Variants in PTPRQ observed in about 807,000 individuals in gnomAD.
The protein encoded by PTPRQ is protein tyrosine phosphatase receptor type Q.
Under a neutral mutation model 246.0 loss-of-function variants are expected in PTPRQ, and 199 were observed. That is an observed-to-expected ratio of 0.81 (90% confidence interval 0.72 to 0.91). PTPRQ has a LOEUF of 0.91. Ranked by LOEUF, PTPRQ falls within the 40% of genes least tolerant of loss-of-function variation. PTPRQ has a pLI of 0.00. For synonymous variants in PTPRQ, 869 were observed against 853.2 expected, an observed-to-expected ratio of 1.02 and a Z score of -0.32; for missense variants, 2,624 against 2,528.4, an observed-to-expected ratio of 1.04 and a Z score of -0.81.
chr12:80,500,918 G>T (rs1293787798), intron 14 of PTPRQ, among the ~76,000 whole-genome samples: 1 of 152,128 alleles, frequency 6.6e-6, no homozygotes, highest in African/African-American at 2.4e-5. Context: ...AAGGATAGAA[G>T]AGAGGAAGAG....
rs149127154 is a variant in PTPRQ at position 80,576,289 on chromosome 12, G to A, written c.4286-11840G>A. ...CCTGAGTAGCTGGGACTATAGGCAC[G>A]TGCCATCACACCCAGCTAATTTTTA... On this transcript the variant is annotated intron_variant, in intron 25 of 44. Coordinates refer to ENST00000644991, the MANE Select transcript of PTPRQ (RefSeq NM_001145026.2). Among the ~76,000 whole-genome samples, 17 of 151,946 alleles carry A rather than the reference G, an allele frequency of 1.1e-4. 2 individuals carry two copies. Among genetic ancestry groups the A allele is most frequent in the African/African-American group, 3.9e-4 (16 of 41,456 alleles).
At chr12:80,594,641 C>T (rs1022521653) in intron 26 of PTPRQ, among the ~76,000 whole-genome samples, 1 of 152,138 alleles carries the variant, frequency 6.6e-6, no homozygotes, top group African/African-American at 2.4e-5. Context: ...TCTCAGTTTA[C>T]TGCACCACTA....
chr12:80,467,233 G>A (rs1893456390), intron 6 of PTPRQ, among the ~76,000 whole-genome samples: 1 of 152,136 alleles, frequency 6.6e-6, no homozygotes, highest in Non-Finnish European at 1.5e-5. Flanking sequence ...AGACATTTAT[G>A]CAGCCAAAAA....
At chr12:80,491,357 G>A (rs1216396279) in intron 9 of PTPRQ, among the ~76,000 whole-genome samples, 1 of 151,884 alleles carries the variant, frequency 6.6e-6, no homozygotes, top group East Asian at 1.9e-4. Context: ...AGTATTGACT[G>A]CAACACCAGA....
At chr12:80,486,468 T>G (rs1444042405) in intron 9 of PTPRQ, among the ~76,000 whole-genome samples, 12 of 152,232 alleles carry the variant, frequency 7.9e-5, no homozygotes, top group African/African-American at 2.6e-4. Context: ...ACAGAAGCTT[T>G]AAATCCAAAT....
intron 27 of PTPRQ, among the ~76,000 whole-genome samples, chr12:80,606,977 TA>T (rs1565815084): frequency 6.6e-6 from 1 of 150,920 alleles, no homozygotes; most frequent in East Asian, 1.9e-4. Context: ...ACAAAAAAAA[TA>T]AAACATATTA....
chr12:80,652,941 T>A, intron 38 of PTPRQ, 107 bp downstream of exon 38: 1 of 1,197,236 alleles, frequency 8.4e-7, no homozygotes, highest in South Asian at 3.2e-5. Flanking sequence ...GTTTGAATTA[T>A]AATAATGTAT....
intron 25 of PTPRQ, among the ~76,000 whole-genome samples, chr12:80,580,883 G>A (rs531885349): frequency 6.6e-6 from 1 of 152,162 alleles, no homozygotes; most frequent in African/African-American, 2.4e-5. Flanking sequence ...CTATAGCCAG[G>A]TTACAAATAA....
intron 33 of PTPRQ, among the ~76,000 whole-genome samples, chr12:80,629,588 G>C (rs991543632): frequency 6.6e-6 from 1 of 152,028 alleles, no homozygotes; most frequent in Non-Finnish European, 1.5e-5. Context: ...GGAAATCAGA[G>C]GGGTAACAGG....
At chr12:80,454,905 A>G (rs939117883) in intron 3 of PTPRQ, among the ~76,000 whole-genome samples, 1 of 152,246 alleles carries the variant, frequency 6.6e-6, no homozygotes, top group Non-Finnish European at 1.5e-5. Context: ...GGCTGGGTGC[A>G]GTGCCTCATG....
intron 43 of PTPRQ, among the ~76,000 whole-genome samples, chr12:80,674,433 G>C (rs1901070728): frequency 6.6e-6 from 1 of 152,110 alleles, no homozygotes; most frequent in Non-Finnish European, 1.5e-5. Flanking sequence ...AAACTTCGAT[G>C]ACTGGAGAAC....
chr12:80,462,044 G>A, intron 6 of PTPRQ: 1 of 700,534 alleles, frequency 1.4e-6, no homozygotes, highest in South Asian at 1.5e-5. Flanking sequence ...CCGTGAGAGA[G>A]CCGAAGCAGG....
At chr12:80,608,914 A>C (rs1669999148) in intron 27 of PTPRQ, among the ~76,000 whole-genome samples, 1 of 150,718 alleles carries the variant, frequency 6.6e-6, no homozygotes, top group African/African-American at 2.4e-5. Flanking sequence ...GGAAAATTAC[A>C]AAAAGCATAT....
chr12:80,472,040 T>G, intron 7 of PTPRQ, 65 bp from the exon 8 acceptor site: 1 of 1,538,590 alleles, frequency 6.5e-7, no homozygotes. Context: ...GGCTCTGTAC[T>G]TAAATGTGAA....
At chr12:80,514,123 TG>T (rs1895205763) in intron 17 of PTPRQ, among the ~76,000 whole-genome samples, 1 of 152,164 alleles carries the variant, frequency 6.6e-6, no homozygotes, top group African/African-American at 2.4e-5. Flanking sequence ...GACACTCCAG[TG>T]TGATGGCTTT....
intron 25 of PTPRQ, among the ~76,000 whole-genome samples, chr12:80,581,687 A>G (rs777566446): frequency 1.3e-5 from 2 of 152,192 alleles, no homozygotes; most frequent in African/African-American, 4.8e-5. Context: ...TCAGCAAAAT[A>G]AAAAGACAAA....
At position 80,535,531 on chromosome 12, in the gene PTPRQ, A is replaced by T. The variant is rs191187520; in HGVS notation, c.2985+494A>T. On this transcript the variant is annotated intron_variant, in intron 19 of 44. Coordinates refer to ENST00000644991, the MANE Select transcript of PTPRQ (RefSeq NM_001145026.2). ...TTATAATAATAGTATATTAGTAGTT[A>T]ATGTTTAATGTCAGATGAAATGAAG... Among the ~76,000 whole-genome samples, 358 of 152,270 alleles carry T rather than the reference A, an allele frequency of 2.4e-3. 2 individuals carry two copies. Among genetic ancestry groups the T allele is most frequent in the African/African-American group, 7.8e-3 (326 of 41,556 alleles).
chr12:80,641,603 TAATGAA>T (rs1899857737), intron 35 of PTPRQ, among the ~76,000 whole-genome samples: 2 of 152,226 alleles, frequency 1.3e-5, no homozygotes, highest in South Asian at 4.1e-4. Flanking sequence ...TAAAATACTT[TAATGAA>T]AATACATTTC....
rs1279595473 is a variant in PTPRQ at position 80,632,208 on chromosome 12, AAG to A, written c.5705_5706del (p.Arg1902AsnfsTer47). ...VKTLGEGLSERTVEIILSVTL... is the reference protein window; with the variant it reads ...VKTLGEGLSEXTVEIILSVTL... ...CTTCTCCAGGGGAAGGACTTTCAGA[AAG>A]AACCGTAGAGATCATTCTTTCCGTC... On this transcript the variant is annotated frameshift_variant, in exon 34 of 45. Coordinates refer to ENST00000644991, the MANE Select transcript of PTPRQ (RefSeq NM_001145026.2). LOFTEE classifies it high-confidence loss of function. 5 of 1,551,168 alleles carry A rather than the reference AAG, an allele frequency of 3.2e-6. No individual in the cohort carries two copies. Among genetic ancestry groups the A allele is most frequent in the Non-Finnish European group, 3.5e-6 (4 of 1,146,820 alleles).
Sources: gnomAD v4.1 joint callset for allele counts (sites outside exome capture counted in the v4.1 genomes callset) on GRCh38, gnomAD v4.1.1 for gene constraint, MANE v1.5 for transcripts, NCBI Gene and HGNC (gene_info 2026-07-23, HGNC 2026-07-21) for gene names.